The following SLF1 variants were observed in gnomAD, a reference collection of about 807,000 sequenced individuals.
SLF1 encodes SMC5-SMC6 complex localization factor protein 1.
Under a neutral mutation model 123.0 loss-of-function variants are expected in SLF1, and 105 were observed. That is an observed-to-expected ratio of 0.85 (90% CI 0.73 to 1.00). SLF1 has a LOEUF of 1.00. SLF1 is among the 50% of genes least tolerant of loss of function. The pLI is 0.00. For missense variants in SLF1, 1,239 were observed against 1,223.0 expected (o/e 1.01, Z -0.20); for synonymous variants, 434 against 406.6 (o/e 1.07, Z -0.81).
intron 18 of SLF1, among the ~76,000 whole-genome samples, chr5:94,690,383 G>A (rs1734310277): frequency 6.6e-6 from 1 of 152,146 alleles, no homozygotes; most frequent in African/African-American, 2.4e-5. Context: ...GCATATTACA[G>A]ATTCAAAATA....
chr5:94,659,941 G>T (rs1195887347), intron 9 of SLF1, among the ~76,000 whole-genome samples: 1 of 152,150 alleles, frequency 6.6e-6, no homozygotes, highest in African/African-American at 2.4e-5. Flanking sequence ...TAGCAAACAT[G>T]GGTGCCAGCA....
chr5:94,635,007 A>C (rs997114019), intron 4 of SLF1, among the ~76,000 whole-genome samples: 4 of 152,072 alleles, frequency 2.6e-5, no homozygotes, highest in Non-Finnish European at 5.9e-5. Flanking sequence ...ATTCTCTTAA[A>C]TGTTTCCTTT....
In SLF1 at chr5:94,631,415, C is replaced by T. The variant is rs1033494602; in HGVS notation, c.431+672C>T. On this transcript the variant is annotated intron_variant, in intron 4 of 20. Coordinates refer to ENST00000265140, the MANE Select transcript of SLF1 (RefSeq NM_032290.4). ...CTCTTGTGTCCTTGAACATTTAGTT[C>T]TGTACCACCAACACCAGGCAACCAC... Among the ~76,000 whole-genome samples the T allele has an allele frequency of 5.9e-5, 9 of 152,240 alleles. No homozygotes were observed. The East Asian group carries it at 1.4e-3, about 23-fold the overall frequency.
chr5:94,629,235 C>G, intron 3 of SLF1, 68 bp downstream of exon 3: 2 of 1,139,830 alleles, frequency 1.8e-6, no homozygotes, highest in Non-Finnish European at 2.5e-6. Flanking sequence ...ATTTTAGTCT[C>G]TGGAGAGATA....
rs1752840390 is a variant in SLF1, at chr5:94,689,532, G to A, written c.2345G>A (p.Gly782Glu). ...AAAAAATTGAAAAAGAAGTCAGAAG[G>A]AGAATTGTCATGTTCCAAGGAGAAT... ...SLKKLKKKSE[G>E]ELSCSKENCP... is the part of the protein sequence containing the mutation. Residue 782 changes from glycine (G) to glutamate (E), a missense_variant, in exon 18 of 21, where the codon GGA becomes GAA. Transcript: ENST00000265140. The A allele has an allele frequency of 6.2e-7, 1 of 1,612,126 alleles. No individual in the cohort carries two copies. Among genetic ancestry groups the A allele is most frequent in the East Asian group, 2.2e-5 (1 of 44,788 alleles).
chr5:94,629,006 T>G lies in SLF1; in HGVS notation c.114+82T>G, dbSNP rs1744918705. On this transcript the variant is annotated intron_variant, in intron 2 of 20. Transcript: ENST00000265140. ...ACTGGCCTAAGAATGATAAAATGCC[T>G]TCTTGATATTGTAGCAATAAAAAGG... The G allele has an allele frequency of 5.7e-6, 8 of 1,398,316 alleles. No individual in the cohort carries two copies. In the East Asian group the frequency reaches 1.8e-4, roughly 31 times the overall value. The allele number at this position is 1,398,316 out of a possible 1,614,324, so 86.6% of individuals were successfully genotyped here.
At chr5:94,667,474 A>G (rs1167486906) in intron 12 of SLF1, among the ~76,000 whole-genome samples, 1 of 151,630 alleles carries the variant, frequency 6.6e-6, no homozygotes, top group African/African-American at 2.4e-5. Flanking sequence ...TTTCCTTTTA[A>G]TTTTTCTTCC....
At chr5:94,679,311 A>G (rs964798561) in intron 15 of SLF1, among the ~76,000 whole-genome samples, 2 of 152,136 alleles carry the variant, frequency 1.3e-5, no homozygotes, top group African/African-American at 4.8e-5. Flanking sequence ...TAATTATTTT[A>G]CCTGGTGCAG....
intron 4 of SLF1, among the ~76,000 whole-genome samples, chr5:94,632,261 C>T (rs930252753): frequency 6.6e-5 from 10 of 152,108 alleles, no homozygotes; most frequent in Non-Finnish European, 1.5e-5. Context: ...TCTATATCTA[C>T]CTTATACCAA....
intron 6 of SLF1, 51 bp downstream of exon 6, chr5:94,649,648 TG>T: frequency 7.4e-7 from 1 of 1,353,542 alleles, no homozygotes; most frequent in Non-Finnish European, 9.7e-7. Flanking sequence ...CTTATAGAAT[TG>T]TTTAAGAGGC....
chr5:94,686,583 A>G lies in SLF1; in HGVS notation c.1986A>G (p.Ser662=). The part of the protein sequence containing the change: ...YVSLSCDDFS[S]QELEIFICSF... ...CCTTATGTTCTCCAGACTTTTCTTC[A>G]CAGGAATTAGAGATTTTCATTTGCT... Residue 662 remains serine, a synonymous_variant, in exon 16 of 21, where the codon TCA becomes TCG. Coordinates refer to ENST00000265140, the MANE Select transcript of SLF1 (RefSeq NM_032290.4). The G allele has an allele frequency of 6.2e-7, 1 of 1,613,848 alleles. No individual in the cohort carries two copies. The highest frequency in any genetic ancestry group is 1.3e-5 in the African/African-American group (1 of 75,042).
At chr5:94,636,710 ATTTTTTT>A (rs140191160) in intron 4 of SLF1, among the ~76,000 whole-genome samples, 57 of 75,470 alleles carry the variant, frequency 7.6e-4, no homozygotes, top group Middle Eastern at 0.013. Context: ...TATTTTACTG[ATTTTTTT>A]TTTTTTTTTT....
chr5:94,690,124 G>C (rs1264472759), intron 18 of SLF1, among the ~76,000 whole-genome samples: 1 of 152,160 alleles, frequency 6.6e-6, no homozygotes, highest in African/African-American at 2.4e-5. Context: ...TGGAACCTAA[G>C]TACCTAAAGG....
At chr5:94,688,281 A>C (rs1244015957) in intron 16 of SLF1, among the ~76,000 whole-genome samples, 1 of 152,164 alleles carries the variant, frequency 6.6e-6, no homozygotes, top group Non-Finnish European at 1.5e-5. Flanking sequence ...ATTAGAAAAA[A>C]ATAATTATTT....
intron 4 of SLF1, among the ~76,000 whole-genome samples, chr5:94,631,970 CTTTTTTTT>C (rs1021934536): frequency 3.5e-4 from 38 of 108,766 alleles, no homozygotes; most frequent in Middle Eastern, 9.7e-3. Context: ...TTTTTTCTTT[CTTTTTTTT>C]TTTTTTTTTT....
Position 94,695,554 on chromosome 5 carries a change from T to C in SLF1, c.*242T>C, listed in dbSNP as rs1474514719. On this transcript the variant is annotated 3_prime_UTR_variant, in exon 21 of 21. Transcript: ENST00000265140. ...AAAATAATTTTGTTTTAGTATATTC[T>C]ACTTTCATTAATGTTTTTTTGTTCT... is the stretch of plus-strand genomic sequence containing the variant. 3.9e-6 allele frequency: 1 copy of C among 254,278 alleles called. No homozygotes were observed. Among genetic ancestry groups the C allele is most frequent in the East Asian group, 7.7e-5 (1 of 13,032 alleles). The allele number at this position is 254,278 out of a possible 1,614,324, so 15.8% of individuals were successfully genotyped here.
At chr5:94,686,840 T>G in intron 16 of SLF1, 122 bp downstream of exon 16, 1 of 1,158,340 alleles carries the variant, frequency 8.6e-7, no homozygotes, top group Non-Finnish European at 1.2e-6. Flanking sequence ...CAGGCTGGAG[T>G]GCAGTGGCGC....
chr5:94,654,639 A>T lies in SLF1; in HGVS notation c.1042A>T (p.Lys348Ter). Residue 348 changes from lysine to a stop codon, truncating the protein, a stop_gained, in exon 9 of 21, where the codon AAG (lysine) becomes TAG (stop). Coordinates refer to ENST00000265140, the MANE Select transcript of SLF1 (RefSeq NM_032290.4). LOFTEE classifies it high-confidence loss of function. ...ACTTTGCTATATGCAGAAAGAAATGAAGAATTCTATTTTTGCTGAATATGC... is the reference window on the plus strand; with the variant it reads ...ACTTTGCTATATGCAGAAAGAAATGTAGAATTCTATTTTTGCTGAATATGC... ...HIYNRDQKEM[K>*]NSIFAEYAKE... is the part of the protein sequence containing the mutation. The T allele has an allele frequency of 6.5e-7, 1 of 1,537,976 alleles. No individual in the cohort carries two copies. Among genetic ancestry groups the T allele is most frequent in the Non-Finnish European group, 8.8e-7 (1 of 1,140,464 alleles).
chr5:94,678,637 A>T, intron 14 of SLF1, 171 bp from the exon 15 acceptor site: 1 of 526,224 alleles, frequency 1.9e-6, no homozygotes, highest in Non-Finnish European at 3.2e-6. Context: ...AGAGAGAGAG[A>T]TGGAGGGGAG....
Sources: gnomAD v4.1 joint callset for allele counts (sites outside exome capture counted in the v4.1 genomes callset) on GRCh38, gnomAD v4.1.1 for gene constraint, MANE v1.5 for transcripts, NCBI Gene and HGNC (gene_info 2026-07-23, HGNC 2026-07-21) for gene names.